CCBE1: variants seen among roughly 807,000 people sequenced by gnomAD.
CCBE1 encodes collagen and calcium-binding EGF domain-containing protein 1.
A neutral mutation model predicts 50.0 loss-of-function variants in CCBE1; 37 were observed. That is an observed-to-expected ratio of 0.74 (90% CI 0.57 to 0.97). The LOEUF (loss-of-function observed/expected upper bound fraction) is 0.97. Ranked by LOEUF, CCBE1 falls within the 50% of genes least tolerant of loss-of-function variation. CCBE1 has a pLI of 0.00. For synonymous variants in CCBE1, 234 were observed against 203.7 expected, an observed-to-expected ratio of 1.15 and a Z score of -1.27; for missense variants, 538 against 523.8, an observed-to-expected ratio of 1.03 and a Z score of -0.26.
chr18:59,572,860 T>C (rs1028673553), intron 2 of CCBE1, among the ~76,000 whole-genome samples: 3 of 152,206 alleles, frequency 2.0e-5, no homozygotes, highest in African/African-American at 7.2e-5. Context: ...TTAGTTTATG[T>C]GTCAATCCGG....
chr18:59,608,687 A>T (rs1017941079), intron 2 of CCBE1, among the ~76,000 whole-genome samples: 1 of 152,220 alleles, frequency 6.6e-6, no homozygotes, highest in Non-Finnish European at 1.5e-5. Context: ...GAAAGTGTTT[A>T]TTGTGGATGA....
intron 2 of CCBE1, among the ~76,000 whole-genome samples, chr18:59,636,349 G>A (rs1004896803): frequency 3.9e-5 from 6 of 152,296 alleles, no homozygotes; most frequent in Admixed American, 6.5e-5. Flanking sequence ...GAAAAGAGGC[G>A]AACATTTTTA....
intron 3 of CCBE1, among the ~76,000 whole-genome samples, chr18:59,477,265 C>A (rs1193595370): frequency 1.3e-5 from 2 of 152,150 alleles, no homozygotes; most frequent in East Asian, 3.9e-4. Context: ...TATTGTCACA[C>A]CCTGTGATTA....
chr18:59,439,549 AC>A lies in CCBE1; in HGVS notation c.944del (p.Gly315ValfsTer84), dbSNP rs769669203. The A allele has an allele frequency of 1.2e-6, 2 of 1,614,140 alleles. No individual in the cohort carries two copies. The highest frequency in any genetic ancestry group is 2.7e-5 in the African/African-American group (2 of 74,950). On this transcript the variant is annotated frameshift_variant, in exon 9 of 11. Coordinates refer to ENST00000439986, the MANE Select transcript of CCBE1 (RefSeq NM_133459.4). LOFTEE classifies it high-confidence loss of function. ...GACCACTCATAAGGCTTACCTTAGA[AC>A]CATCTCTTCCTGGTGCCCCTGGTGG... ...VGPPGAPGRD[G>X]SKGERGAPGP...
chr18:59,457,301 G>A (rs938119196), intron 5 of CCBE1, among the ~76,000 whole-genome samples: 6 of 152,150 alleles, frequency 3.9e-5, no homozygotes, highest in Non-Finnish European at 8.8e-5. Context: ...GGGGGAATAG[G>A]GAAGGGCTTG....
intron 6 of CCBE1, among the ~76,000 whole-genome samples, chr18:59,450,571 T>TCA (rs1415856002): frequency 6.6e-6 from 1 of 152,204 alleles, no homozygotes; most frequent in Non-Finnish European, 1.5e-5. Flanking sequence ...TCTCACTCTA[T>TCA]CACCCAGGCT....
intron 2 of CCBE1, among the ~76,000 whole-genome samples, chr18:59,611,962 T>C (rs1415666384): frequency 4.6e-5 from 7 of 152,160 alleles, no homozygotes; most frequent in Non-Finnish European, 1.0e-4. Flanking sequence ...GCTACATACC[T>C]GGAGTCCAAC....
intron 2 of CCBE1, among the ~76,000 whole-genome samples, chr18:59,594,132 G>T (rs2053316461): frequency 6.6e-6 from 1 of 152,274 alleles, no homozygotes; most frequent in East Asian, 1.9e-4. Flanking sequence ...TTGCCATCTT[G>T]GGGCCCCCAA....
At chr18:59,475,570 T>C (rs1377881164) in intron 3 of CCBE1, among the ~76,000 whole-genome samples, 1 of 152,202 alleles carries the variant, frequency 6.6e-6, no homozygotes, top group Admixed American at 6.5e-5. Flanking sequence ...ATTGTTGATA[T>C]CTTATCCAGT....
chr18:59,629,741 G>C (rs1270342715), intron 2 of CCBE1, among the ~76,000 whole-genome samples: 2 of 152,210 alleles, frequency 1.3e-5, no homozygotes, highest in African/African-American at 4.8e-5. Context: ...GGTTTCCTGA[G>C]AAGATGGTGG....
intron 2 of CCBE1, among the ~76,000 whole-genome samples, chr18:59,604,892 G>C (rs1184504237): frequency 6.6e-6 from 1 of 152,210 alleles, no homozygotes; most frequent in East Asian, 1.9e-4. Flanking sequence ...TTGATAGGTA[G>C]GGTCAAAATG....
At chr18:59,504,129 CATT>C (rs1455401579) in intron 2 of CCBE1, among the ~76,000 whole-genome samples, 1 of 152,150 alleles carries the variant, frequency 6.6e-6, no homozygotes, top group African/African-American at 2.4e-5. Context: ...GATCAAACAT[CATT>C]GAGTTTTTGA....
chr18:59,619,956 C>T lies in CCBE1; in HGVS notation c.212+76673G>A, dbSNP rs922184970. 5.9e-5 allele frequency among the ~76,000 whole-genome samples: 9 copies of T among 152,110 alleles called. 1 individual carries two copies. In the East Asian group the frequency reaches 7.7e-4, roughly 13 times the overall value. On this transcript the variant is annotated intron_variant, in intron 2 of 10. Transcript: ENST00000439986. Reference sequence around the variant, plus strand: ...GCCAGACAAGCAGGTAGGGAATTCACGGCAGAAAGCTGGACAAGAGAGGGC... The same window carrying T: ...GCCAGACAAGCAGGTAGGGAATTCATGGCAGAAAGCTGGACAAGAGAGGGC...
At chr18:59,453,856 C>T (rs796852642) in intron 6 of CCBE1, among the ~76,000 whole-genome samples, 2 of 152,192 alleles carry the variant, frequency 1.3e-5, no homozygotes, top group African/African-American at 2.4e-5. Context: ...TACTGTTTAT[C>T]TGGGTCCAGG....
intron 2 of CCBE1, among the ~76,000 whole-genome samples, chr18:59,673,897 A>C (rs1171072004): frequency 6.6e-6 from 1 of 152,116 alleles, no homozygotes; most frequent in Non-Finnish European, 1.5e-5. Flanking sequence ...ACTGGCCTTA[A>C]ATTTTCTTTT....
rs747380899 is a variant in CCBE1 at position 59,436,017 on chromosome 18, G to A, written c.1112C>T (p.Pro371Leu). The A allele has an allele frequency of 3.1e-6, 5 of 1,613,998 alleles. No homozygotes were observed. Among genetic ancestry groups the A allele is most frequent in the Admixed American group, 1.7e-5 (1 of 60,004 alleles). The change falls in exon 11 of 11, where the codon CCT (proline) becomes CTT (leucine). Residue 371 changes from proline to leucine, a missense_variant. By Grantham distance (98) the Pro-to-Leu change is moderately conservative (BLOSUM62 -3). Coordinates refer to ENST00000439986, the MANE Select transcript of CCBE1 (RefSeq NM_133459.4). The part of the protein sequence containing the change: ...THSSAEEFPL[P>L]QEFPSYPEAM... ...TTCTGGGTAGCTGGGAAATTCCTGAGGTAAAGGGAACTCCTCTGCTGAAGA... is the reference window on the plus strand; with the variant it reads ...TTCTGGGTAGCTGGGAAATTCCTGAAGTAAAGGGAACTCCTCTGCTGAAGA...
chr18:59,594,136 C>G (rs994764603), intron 2 of CCBE1, among the ~76,000 whole-genome samples: 1 of 152,156 alleles, frequency 6.6e-6, no homozygotes, highest in Non-Finnish European at 1.5e-5. Flanking sequence ...CATCTTGGGG[C>G]CCCCAAAACC....
intron 3 of CCBE1, among the ~76,000 whole-genome samples, chr18:59,478,033 T>C (rs1249791389): frequency 6.6e-6 from 1 of 152,160 alleles, no homozygotes; most frequent in African/African-American, 2.4e-5. Flanking sequence ...CCCTCCATAA[T>C]GCGGGTGGGC....
chr18:59,557,709 C>A (rs2052674227), intron 2 of CCBE1, among the ~76,000 whole-genome samples: 1 of 152,154 alleles, frequency 6.6e-6, no homozygotes, highest in African/African-American at 2.4e-5. Flanking sequence ...GGGATTTAAA[C>A]CCCAGAAAAG....
Sources: allele counts gnomAD v4.1 joint callset (sites outside exome capture counted in the v4.1 genomes callset), GRCh38; gene constraint gnomAD v4.1.1; transcripts MANE v1.5; gene names NCBI Gene and HGNC (gene_info 2026-07-23, HGNC 2026-07-21).